The following ZNF875 variants were observed in gnomAD, a reference collection of about 807,000 sequenced individuals.
The protein encoded by ZNF875 is HKR1, GLI-Kruppel zinc finger family member.
In ZNF875, 14 loss-of-function variants were observed where a neutral mutation model predicts 11.2. That is an observed-to-expected ratio of 1.26 (90% confidence interval 0.83 to 1.96). The LOEUF is 1.96. Ranked by LOEUF, ZNF875 falls within the 30% of genes most tolerant of loss-of-function variation. ZNF875 has a pLI of 0.00. For missense variants in ZNF875, 752 were observed against 760.4 expected (o/e 0.99, Z 0.13); for synonymous variants, 301 against 281.1 (o/e 1.07, Z -0.71).
chr19:37,317,956 G>A (rs2030371035), exon 1 of ZNF875: 1 of 155,562 alleles, frequency 6.4e-6, no homozygotes. Flanking sequence ...GTGTGATTCC[G>A]CAGTCTTGGG....
At chr19:37,349,315 A>C (rs976931245) in intron 4 of ZNF875, among the ~76,000 whole-genome samples, 2 of 152,140 alleles carry the variant, frequency 1.3e-5, no homozygotes, top group African/African-American at 2.4e-5. Context: ...GGGAAACAGA[A>C]CTCAACCTAT....
intron 4 of ZNF875, chr19:37,324,674 C>T (rs868030148): frequency 6.6e-6 from 1 of 152,226 alleles, no homozygotes; most frequent in Non-Finnish European, 1.5e-5. Flanking sequence ...GAGGATTAAA[C>T]TGCCATTTCA....
upstream of ZNF875, among the ~76,000 whole-genome samples, chr19:37,334,034 C>T (rs2033801265): frequency 6.6e-6 from 1 of 152,096 alleles, no homozygotes; most frequent in Non-Finnish European, 1.5e-5. Flanking sequence ...GGATCTTTTG[C>T]TGTTCACCCC....
chr19:37,335,050 C>A, intron 1 of ZNF875, 119 bp from the exon 2 acceptor site: 1 of 583,584 alleles, frequency 1.7e-6, no homozygotes. Flanking sequence ...GAATTGGCTG[C>A]TCTGGTGATT....
chr19:37,360,276 A>G (rs183816903), intron 4 of ZNF875, among the ~76,000 whole-genome samples: 7 of 152,286 alleles, frequency 4.6e-5, no homozygotes, highest in Admixed American at 4.6e-4. Context: ...TTGTTCCATG[A>G]TCTCCATCTT....
chr19:37,323,958 A>G (rs2031983520), intron 3 of ZNF875, among the ~76,000 whole-genome samples: 1 of 152,162 alleles, frequency 6.6e-6, no homozygotes, highest in Admixed American at 6.5e-5. Context: ...AGGAGTGGAA[A>G]CATTCTGTCT....
intron 2 of ZNF875, among the ~76,000 whole-genome samples, chr19:37,339,074 A>G (rs2035116538): frequency 6.6e-6 from 1 of 152,120 alleles, no homozygotes; most frequent in Non-Finnish European, 1.5e-5. Context: ...TATGTGCAGA[A>G]CACTCAGTAG....
chr19:37,334,564 C>T (rs755873476), upstream of ZNF875: 158 of 385,420 alleles, frequency 4.1e-4, no homozygotes, highest in Middle Eastern at 1.2e-3. Context: ...GCCTCTGTAG[C>T]TCCGAAACTA....
chr19:37,359,140 T>C (rs2039470685), intron 4 of ZNF875, among the ~76,000 whole-genome samples: 3 of 150,712 alleles, frequency 2.0e-5, no homozygotes, highest in Admixed American at 2.0e-4. Context: ...CCTCAGGTGA[T>C]CCGCCACCTC....
At chr19:37,324,135 G>A (rs192405857) in intron 3 of ZNF875, 13 of 152,250 alleles carry the variant, frequency 8.5e-5, no homozygotes, top group East Asian at 3.9e-4. Flanking sequence ...CATAAACTGC[G>A]GAGAACGTTT....
intron 4 of ZNF875, among the ~76,000 whole-genome samples, chr19:37,350,568 C>A (rs2037682603): frequency 6.6e-6 from 1 of 151,944 alleles, no homozygotes; most frequent in South Asian, 2.1e-4. Flanking sequence ...AAACTAAAGA[C>A]TTTATTCAGA....
In ZNF875 at chr19:37,363,587, C is replaced by G. The variant is rs201940720; in HGVS notation, c.1735C>G (p.Gln579Glu). 7.8e-5 allele frequency: 126 copies of G among 1,613,812 alleles called. No homozygotes were observed. The highest frequency in any genetic ancestry group is 1.0e-4 in the Non-Finnish European group (119 of 1,179,916). Residue 579 changes from glutamine to glutamate, a missense_variant, in exon 5 of 5, where the codon CAG (glutamine) becomes GAG (glutamate). Physicochemically the swap from Gln to Glu is conservative, Grantham distance 29 (BLOSUM62 2). Transcript: ENST00000392153. ...TGCTAAGTTAACTCTCATTAAACAC[C>G]AGAGAGCACACGCAGGGGGGAAGCC... The part of the protein sequence containing the change: ...FCAKLTLIKH[Q>E]RAHAGGKPHV...
rs35805509 is a variant in ZNF875, at chr19:37,326,664, CTT to C, written c.-603+2419_-603+2420del. 4.8e-3 allele frequency among the ~76,000 whole-genome samples: 422 copies of C among 88,048 alleles called. 2 individuals are homozygous for C. Among genetic ancestry groups the C allele is most frequent in the Admixed American group, 0.037 (242 of 6,558 alleles). 57.8% of individuals were successfully genotyped at this position (88,048 alleles called of 152,430 possible). ...CAAATTCTAAAGTTAAATTAGAAAGCTTTTTTTTTTTTTTTTTTTTTGAGTTG... is the reference window on the plus strand; with the variant it reads ...CAAATTCTAAAGTTAAATTAGAAAGCTTTTTTTTTTTTTTTTTTTGAGTTG... On this transcript the variant is annotated intron_variant, in intron 4 of 5. Coordinates refer to the ZNF875 transcript ENST00000544914.
At chr19:37,327,308 A>G (rs2032638904) in intron 4 of ZNF875, among the ~76,000 whole-genome samples, 1 of 152,142 alleles carries the variant, frequency 6.6e-6, no homozygotes, top group East Asian at 1.9e-4. Flanking sequence ...ACTTATTTCA[A>G]AAGGTGTGTA....
At position 37,362,095 on chromosome 19, in the gene ZNF875, T is replaced by C; in HGVS notation, c.257-14T>C. The stretch of plus-strand genomic sequence containing the variant: ...CTACCTATGGCCCCTCTGAAAATGT[T>C]CTTTCTTCAGCAGAATCGAAGCCAG... On this transcript the variant is annotated splice_polypyrimidine_tract_variant and intron_variant, in intron 4 of 4. Coordinates refer to ENST00000392153, the MANE Select transcript of ZNF875 (RefSeq NM_001353803.2). The C allele has an allele frequency of 6.3e-7, 1 of 1,595,574 alleles. No homozygotes were observed. The highest frequency in any genetic ancestry group is 8.6e-7 in the Non-Finnish European group (1 of 1,168,520).
intron 1 of ZNF875, 182 bp downstream of exon 1, chr19:37,334,964 A>T: frequency 2.0e-6 from 1 of 502,498 alleles, no homozygotes; most frequent in Non-Finnish European, 3.7e-6. Context: ...GCTTGGGGAC[A>T]AGGGCTTCAC....
rs1423946423 is a variant in ZNF875, at chr19:37,362,358, G to A, written c.506G>A (p.Ser169Asn). The change falls in exon 5 of 5, where the codon AGC becomes AAC. Residue 169 changes from serine to asparagine, a missense_variant. Physicochemically the swap from Ser to Asn is conservative, Grantham distance 46. Transcript: ENST00000392153. The stretch of plus-strand genomic sequence containing the variant: ...TCCAGACTCCTGTTTGGGAGAGTAA[G>A]CAAAAATGGCACTTCAAAGGCACTT... ...EDSRLLFGRV[S>N]KNGTSKALSS... 1 of 1,613,986 alleles carries A rather than the reference G, an allele frequency of 6.2e-7. No individual in the cohort carries two copies. The highest frequency in any genetic ancestry group is 8.5e-7 in the Non-Finnish European group (1 of 1,180,030).
rs758038998 is a variant in ZNF875 at position 37,362,258 on chromosome 19, C to G, written c.406C>G (p.Pro136Ala). The G allele has an allele frequency of 1.9e-6, 3 of 1,614,016 alleles. No homozygotes were observed. Among genetic ancestry groups the G allele is most frequent in the Admixed American group, 1.7e-5 (1 of 59,992 alleles). ...GNPLHLGKHYPEDQKQQQDPF... is the reference protein window; with the variant it reads ...GNPLHLGKHYAEDQKQQQDPF... Reference sequence around the variant, plus strand: ...TCCTCTCCACCTGGGAAAACACTATCCAGAAGATCAGAAACAACAGCAGGA... The same window carrying G: ...TCCTCTCCACCTGGGAAAACACTATGCAGAAGATCAGAAACAACAGCAGGA... The change falls in exon 5 of 5, where the codon CCA becomes GCA. Residue 136 changes from proline (P) to alanine (A), a missense_variant. Transcript: ENST00000392153.
chr19:37,363,156 C>T lies in ZNF875; in HGVS notation c.1304C>T (p.Ser435Leu). The T allele has an allele frequency of 8.1e-6, 13 of 1,614,096 alleles. No individual in the cohort carries two copies. Among genetic ancestry groups the T allele is most frequent in the Non-Finnish European group, 1.1e-5 (13 of 1,180,004 alleles). The part of the protein sequence containing the change: ...TECGRHFSWK[S>L]NLKTHQRTHS... ...TGTGGGCGTCACTTTAGCTGGAAAT[C>T]AAACCTCAAAACACACCAGAGGACA... is the stretch of plus-strand genomic sequence containing the variant. Residue 435 changes from serine (S) to leucine (L), a missense_variant, in exon 5 of 5, where the codon TCA becomes TTA. Physicochemically the swap from Ser to Leu is moderately radical, Grantham distance 145. Transcript: ENST00000392153.
Sources: gnomAD v4.1 joint callset for allele counts (sites outside exome capture counted in the v4.1 genomes callset) on GRCh38, gnomAD v4.1.1 for gene constraint, MANE v1.5 for transcripts, NCBI Gene and HGNC (gene_info 2026-07-23, HGNC 2026-07-21) for gene names.